The following CFAP58 variants were observed in gnomAD, a reference collection of about 807,000 sequenced individuals.
CFAP58 encodes the protein cilia- and flagella-associated protein 58.
CFAP58 carries 88 observed loss-of-function variants against 119.5 expected under a neutral mutation model. The observed-to-expected ratio is 0.74, with a 90% CI of 0.62 to 0.88. The LOEUF (loss-of-function observed/expected upper bound fraction) is 0.88, where lower values mean the gene tolerates loss of function less well. CFAP58 is among the 40% of genes least tolerant of loss of function. CFAP58 has a pLI of 0.00. For missense variants in CFAP58, 990 were observed against 1,021.2 expected (o/e 0.97, Z 0.42); for synonymous variants, 365 against 366.3 (o/e 1.00, Z 0.04).
intron 11 of CFAP58, among the ~76,000 whole-genome samples, chr10:104,396,793 C>A (rs905826996): frequency 6.6e-6 from 1 of 152,192 alleles, no homozygotes; most frequent in African/African-American, 2.4e-5. Flanking sequence ...GCTTGATGAG[C>A]TTTTGAATGC....
At chr10:104,358,052 TATGTACATATATACAC>T (rs2014613656) in intron 1 of CFAP58, among the ~76,000 whole-genome samples, 3 of 149,420 alleles carry the variant, frequency 2.0e-5, no homozygotes, top group African/African-American at 7.5e-5. Context: ...TACACACATA[TATGTACATATATACAC>T]ATATGTACAT....
rs116376827 is a variant in CFAP58, at chr10:104,390,912, A to G, written c.1366-1321A>G. On this transcript the variant is annotated intron_variant, in intron 9 of 17. Transcript: ENST00000369704. ...ATAAGAAAGAATAGTACAAAATTATATACATTGAAAGACATTTACTAAAAT... is the reference window on the plus strand; with the variant it reads ...ATAAGAAAGAATAGTACAAAATTATGTACATTGAAAGACATTTACTAAAAT... Among the ~76,000 whole-genome samples the G allele has an allele frequency of 6.4e-3, 968 of 152,340 alleles. 12 individuals are homozygous for G. The highest frequency in any genetic ancestry group is 0.022 in the African/African-American group (920 of 41,580).
At chr10:104,339,099 T>G in the CFAP58 span, among the ~76,000 whole-genome samples, 61,473 of 151,868 alleles carry the variant, frequency 0.4, 14,639 homozygotes, top group African/African-American at 0.67. Flanking sequence ...GTAGAGAAGG[T>G]GTTTCTCCAT....
the CFAP58 span, among the ~76,000 whole-genome samples, chr10:104,347,883 T>G: frequency 6.6e-6 from 1 of 152,028 alleles, no homozygotes; most frequent in Non-Finnish European, 1.5e-5. Flanking sequence ...ATCTTTCGCT[T>G]CCTGTTTTTG....
intron 15 of CFAP58, among the ~76,000 whole-genome samples, chr10:104,419,045 A>G (rs577323683): frequency 3.3e-5 from 5 of 152,106 alleles, no homozygotes; most frequent in Admixed American, 1.3e-4. Flanking sequence ...AGTGCTGGGA[A>G]TGGTTGAGGA....
Position 104,370,912 on chromosome 10 carries a change from C to T in CFAP58, c.948C>T (p.Val316=), listed in dbSNP as rs768551202. 3 of 1,612,282 alleles carry T rather than the reference C, an allele frequency of 1.9e-6. No individual in the cohort carries two copies. In the South Asian group the frequency reaches 3.3e-5, roughly 18 times the overall value. The change falls in exon 7 of 18, where the codon GTC becomes GTT. Residue 316 remains valine, a synonymous_variant. Transcript: ENST00000369704. ...AATTACAGGCCAAAGAGGAAGAAGT[C>T]CATCAAATGCGCCTTGACATCGGGA... The part of the protein sequence containing the change: ...ALELKAKEEE[V]HQMRLDIGKL...
chr10:104,357,192 T>C (rs1472393225), intron 1 of CFAP58, among the ~76,000 whole-genome samples: 2 of 152,202 alleles, frequency 1.3e-5, no homozygotes, highest in African/African-American at 4.8e-5. Flanking sequence ...ACTCTTAGGT[T>C]CTCATCTAAG....
At chr10:104,349,260 A>G (rs536832060), upstream of CFAP58, among the ~76,000 whole-genome samples, 9 of 151,892 alleles carry the variant, frequency 5.9e-5, no homozygotes, top group African/African-American at 2.2e-4. Flanking sequence ...ACGCCTCCAC[A>G]CCAAAACAAA....
chr10:104,403,511 CTTTT>C (rs572839157), intron 13 of CFAP58, among the ~76,000 whole-genome samples: 8 of 133,136 alleles, frequency 6.0e-5, no homozygotes, highest in Non-Finnish European at 1.1e-4. Flanking sequence ...AGCCCTGGCA[CTTTT>C]TTTTTTTTTT....
the CFAP58 span, among the ~76,000 whole-genome samples, chr10:104,342,171 T>C: frequency 6.6e-6 from 1 of 152,318 alleles, no homozygotes; most frequent in South Asian, 2.1e-4. Flanking sequence ...TTGGTATATA[T>C]TACAAAATTG....
chr10:104,445,461 T>C (rs1193097635), intron 15 of CFAP58, among the ~76,000 whole-genome samples: 3 of 152,170 alleles, frequency 2.0e-5, no homozygotes, highest in Non-Finnish European at 4.4e-5. Flanking sequence ...GTACTTTCTA[T>C]TAGAGGACAT....
At chr10:104,378,998 A>C (rs2011726638) in intron 8 of CFAP58, among the ~76,000 whole-genome samples, 1 of 151,260 alleles carries the variant, frequency 6.6e-6, no homozygotes, top group African/African-American at 2.5e-5. Flanking sequence ...GAGCATCTGC[A>C]TTTTTAAAAA....
rs142459547 is a variant in CFAP58 at position 104,390,584 on chromosome 10, C to T, written c.1366-1649C>T. ...AAAGGAGCTAATACATATAAAATGT[C>T]AGGTACATAGAAGGTAACTGATGAA... On this transcript the variant is annotated intron_variant, in intron 9 of 17. Transcript: ENST00000369704. Among the ~76,000 whole-genome samples the T allele has an allele frequency of 1.4e-4, 22 of 152,194 alleles. No homozygotes were observed. In the East Asian group the frequency reaches 4.2e-3, roughly 29 times the overall value.
rs2014564237 is a variant in CFAP58 at position 104,357,794 on chromosome 10, TATATATACACACATATATATGTAC to T, written c.10-535_10-512del. Among the ~76,000 whole-genome samples the T allele has an allele frequency of 1.4e-5, 2 of 140,890 alleles. 1 individual carries two copies. The highest frequency in any genetic ancestry group is 5.8e-5 in the African/African-American group (2 of 34,200). The allele number at this position is 140,890 out of a possible 152,430, so 92.4% of individuals were successfully genotyped here. A position where few individuals can be genotyped will look rare whatever the true frequency, so the allele number is the denominator to read the frequency against. On this transcript the variant is annotated intron_variant, in intron 1 of 17. Transcript: ENST00000369704. ...GTGTATATATGTGTGTTTATATACA[TATATATACACACATATATATGTAC>T]ATATATACACATATATGTACACATA...
intron 9 of CFAP58, among the ~76,000 whole-genome samples, chr10:104,384,234 A>G (rs2011878318): frequency 6.6e-6 from 1 of 152,210 alleles, no homozygotes; most frequent in Admixed American, 6.5e-5. Context: ...TACAAAAAGG[A>G]CTGGAGACAT....
intron 13 of CFAP58, among the ~76,000 whole-genome samples, chr10:104,403,353 A>C (rs539583184): frequency 6.6e-6 from 1 of 152,184 alleles, no homozygotes; most frequent in Non-Finnish European, 1.5e-5. Flanking sequence ...CTGTGAGTCC[A>C]TTAAACCTCT....
chr10:104,357,972 T>C (rs2014604123), intron 1 of CFAP58, among the ~76,000 whole-genome samples: 3 of 139,098 alleles, frequency 2.2e-5, no homozygotes, highest in Admixed American at 6.9e-5. Flanking sequence ...TATGTACACA[T>C]ATGTACATAT....
chr10:104,421,537 C>T (rs919409437), intron 15 of CFAP58, among the ~76,000 whole-genome samples: 1 of 152,206 alleles, frequency 6.6e-6, no homozygotes, highest in African/African-American at 2.4e-5. Flanking sequence ...ATTGGGTCTG[C>T]TCTTTCTGGT....
At chr10:104,351,682 A>G (rs1182286484), upstream of CFAP58, 1 of 152,260 alleles carries the variant, frequency 6.6e-6, no homozygotes, top group Non-Finnish European at 1.5e-5. Flanking sequence ...CAGATGGATT[A>G]GATAACTGAA....
Sources: allele counts gnomAD v4.1 joint callset (sites outside exome capture counted in the v4.1 genomes callset), GRCh38; gene constraint gnomAD v4.1.1; transcripts MANE v1.5; gene names NCBI Gene and HGNC (gene_info 2026-07-23, HGNC 2026-07-21).